Variants in IGF2BP1 observed in about 807,000 individuals in gnomAD.
The protein encoded by IGF2BP1 is insulin-like growth factor 2 mRNA-binding protein 1.
Under a neutral mutation model 74.9 loss-of-function variants are expected in IGF2BP1, and 11 were observed. That is an observed-to-expected ratio of 0.15 (90% CI 0.09 to 0.24). The LOEUF is 0.24. Ranked by LOEUF, IGF2BP1 falls within the 10% of genes least tolerant of loss-of-function variation. The probability of loss-of-function intolerance (pLI) is 1.00; values close to 1 mark genes in which losing one functional copy is unlikely to be tolerated. For synonymous variants in IGF2BP1, 287 were observed against 281.8 expected (o/e 1.02, Z -0.18); for missense variants, 440 against 757.4 (o/e 0.58, Z 4.92).
intron 3 of IGF2BP1, 65 bp from the exon 4 acceptor site, chr17:49,026,400 CA>C: frequency 7.1e-7 from 1 of 1,415,060 alleles, no homozygotes; most frequent in Non-Finnish European, 1.0e-6. Flanking sequence ...GCAGGGTGTC[CA>C]GTGGCTGCTT....
intron 2 of IGF2BP1, chr17:49,014,181 A>AT (rs1406583436): frequency 1.3e-5 from 2 of 148,536 alleles, no homozygotes; most frequent in Non-Finnish European, 3.0e-5. Context: ...GCACCGCACT[A>AT]TCCCCGTTAG....
At chr17:49,044,728 G>A (rs1282600030) in intron 11 of IGF2BP1, among the ~76,000 whole-genome samples, 3 of 152,260 alleles carry the variant, frequency 2.0e-5, no homozygotes, top group African/African-American at 7.2e-5. Flanking sequence ...AACCTCTCTG[G>A]GAGATTGGTA....
intron 2 of IGF2BP1, among the ~76,000 whole-genome samples, chr17:49,004,207 A>T (rs1303639258): frequency 6.6e-6 from 1 of 151,972 alleles, no homozygotes; most frequent in East Asian, 1.9e-4. Context: ...GATCCCTGAG[A>T]CCCCAGGAGA....
rs1347976041 is a variant in IGF2BP1, at chr17:49,053,221, C to T, written c.*3777C>T. 1 of 152,658 alleles carries T rather than the reference C, an allele frequency of 6.6e-6. No individual in the cohort carries two copies. The highest frequency in any genetic ancestry group is 1.5e-5 in the Non-Finnish European group (1 of 68,066). The allele number at this position is 152,658 out of a possible 1,614,324, so 9.5% of individuals were successfully genotyped here. On this transcript the variant is annotated 3_prime_UTR_variant, in exon 15 of 15. Coordinates refer to ENST00000290341, the MANE Select transcript of IGF2BP1 (RefSeq NM_006546.4). ...TTGGCAGAAAAGACCCCATTTAAAA[C>T]CCAGAGAACACTGGAGGGGGATGCT...
chr17:49,007,534 C>T (rs944561358), intron 2 of IGF2BP1, among the ~76,000 whole-genome samples: 3 of 152,198 alleles, frequency 2.0e-5, no homozygotes, highest in Non-Finnish European at 4.4e-5. Context: ...GGCTTCCCAT[C>T]CGGATGTGGT....
intron 2 of IGF2BP1, chr17:49,013,978 G>A (rs1479179484): frequency 6.6e-6 from 1 of 152,338 alleles, no homozygotes; most frequent in Non-Finnish European, 1.5e-5. Flanking sequence ...TGCGCGCTGC[G>A]GCCTCAGCCC....
chr17:49,049,294 G>A lies in IGF2BP1; in HGVS notation c.1642-58G>A, dbSNP rs568819347. On this transcript the variant is annotated intron_variant, in intron 14 of 14. Transcript: ENST00000290341. ...GTCTGGACCTGATGACCTCTCTTCC[G>A]TGGAAGGCTGTCTCCTTGGAGGTCT... is the stretch of plus-strand genomic sequence containing the variant. 38 of 1,473,094 alleles carry A rather than the reference G, an allele frequency of 2.6e-5. No homozygotes were observed. In the South Asian group the frequency reaches 3.2e-4, roughly 13 times the overall value. 91.3% of individuals were successfully genotyped at this position (1,473,094 alleles called of 1,614,324 possible). A position where few individuals can be genotyped will look rare whatever the true frequency, so the allele number is the denominator to read the frequency against.
intron 6 of IGF2BP1, among the ~76,000 whole-genome samples, chr17:49,039,726 C>G (rs1220553726): frequency 6.6e-6 from 1 of 152,186 alleles, no homozygotes; most frequent in African/African-American, 2.4e-5. Context: ...CGTGCCTGGC[C>G]ACCAACCACC....
chr17:49,021,180 G>A (rs2041787206), intron 2 of IGF2BP1, among the ~76,000 whole-genome samples: 2 of 151,596 alleles, frequency 1.3e-5, no homozygotes, highest in Non-Finnish European at 2.9e-5. Context: ...CCCTAATTGA[G>A]AACTGTTTTC....
At chr17:49,046,545 G>A (rs1316662536) in intron 14 of IGF2BP1, among the ~76,000 whole-genome samples, 172 bp downstream of exon 14, 3 of 151,864 alleles carry the variant, frequency 2.0e-5, no homozygotes, top group Non-Finnish European at 4.4e-5. Context: ...AGTGGGATGT[G>A]TAGATGACAT....
chr17:49,038,415 A>G lies in IGF2BP1; in HGVS notation c.649A>G (p.Thr217Ala). ...VGAIIGKEGATIRNITKQTQS... is the reference protein window; with the variant it reads ...VGAIIGKEGAAIRNITKQTQS... ...TGCCATTATTGGCAAGGAGGGGGCC[A>G]CCATCCGCAACATCACAAAACAGAC... Residue 217 changes from threonine (T) to alanine (A), a missense_variant, in exon 6 of 15, where the codon ACC becomes GCC. By Grantham distance (58) the Thr-to-Ala change is moderately conservative. Around this residue, in one of 5 missense-constraint regions of IGF2BP1, gnomAD observed 184 missense variants for 273.4 expected, o/e 0.67. Coordinates refer to ENST00000290341, the MANE Select transcript of IGF2BP1 (RefSeq NM_006546.4). 6.4e-7 allele frequency: 1 copy of G among 1,566,490 alleles called. No homozygotes were observed. The highest frequency in any genetic ancestry group is 8.7e-7 in the Non-Finnish European group (1 of 1,155,538).
intron 4 of IGF2BP1, among the ~76,000 whole-genome samples, 186 bp from the exon 5 acceptor site, chr17:49,031,724 T>C (rs1448521812): frequency 2.0e-5 from 3 of 151,940 alleles, no homozygotes; most frequent in Non-Finnish European, 4.4e-5. Flanking sequence ...GCCAGGCTGG[T>C]CTCCTGGGCT....
At chr17:49,047,138 A>C (rs1351192569) in intron 14 of IGF2BP1, among the ~76,000 whole-genome samples, 1 of 152,180 alleles carries the variant, frequency 6.6e-6, no homozygotes, top group Non-Finnish European at 1.5e-5. Flanking sequence ...AATTGGGGCA[A>C]ACTGGCTCTT....
At chr17:49,007,174 G>C (rs1157442315) in intron 2 of IGF2BP1, among the ~76,000 whole-genome samples, 2 of 152,144 alleles carry the variant, frequency 1.3e-5, no homozygotes, top group African/African-American at 4.8e-5. Flanking sequence ...CCATCTGCTG[G>C]GATGGGTATG....
chr17:49,016,137 C>G (rs957342912), intron 2 of IGF2BP1, among the ~76,000 whole-genome samples: 1 of 152,198 alleles, frequency 6.6e-6, no homozygotes, highest in Admixed American at 6.5e-5. Context: ...CGGGGCTGTT[C>G]AGGCTTCTGC....
At chr17:49,040,684 C>A (rs1040627339) in intron 7 of IGF2BP1, among the ~76,000 whole-genome samples, 3 of 152,212 alleles carry the variant, frequency 2.0e-5, no homozygotes, top group African/African-American at 7.2e-5. Context: ...ACAGGCTGTT[C>A]TATACTTTTT....
In IGF2BP1 at chr17:49,039,891, G is replaced by T. The variant is rs2042031259; in HGVS notation, c.684-66G>T. Reference sequence around the variant, plus strand: ...GCCTTTGACTGAGGAGGGGTAGTGGGGTGGGGAGCCTGAAGTACTGGTATC... The same window carrying T: ...GCCTTTGACTGAGGAGGGGTAGTGGTGTGGGGAGCCTGAAGTACTGGTATC... On this transcript the variant is annotated intron_variant, in intron 6 of 14. Coordinates refer to ENST00000290341, the MANE Select transcript of IGF2BP1 (RefSeq NM_006546.4). 5.1e-6 allele frequency: 8 copies of T among 1,567,854 alleles called. No individual in the cohort carries two copies. The Admixed American group carries it at 1.2e-4, about 24-fold the overall frequency.
chr17:49,047,337 A>G lies in IGF2BP1; in HGVS notation c.1641+964A>G, dbSNP rs185738363. On this transcript the variant is annotated intron_variant, in intron 14 of 14. Coordinates refer to ENST00000290341, the MANE Select transcript of IGF2BP1 (RefSeq NM_006546.4). ...AGTTACATCTCAACTATATATATAT[A>G]TAAAATAACAAAAAAGTATTAATAA... Among the ~76,000 whole-genome samples, 358 of 152,196 alleles carry G rather than the reference A, an allele frequency of 2.4e-3. 1 individual carries two copies. Among genetic ancestry groups the G allele is most frequent in the African/African-American group, 8.2e-3 (339 of 41,538 alleles).
chr17:49,026,389 T>TG lies in IGF2BP1; in HGVS notation c.286-76dup. 3.9e-6 allele frequency: 5 copies of TG among 1,289,004 alleles called. No individual in the cohort carries two copies. The South Asian group carries it at 5.9e-5, about 15-fold the overall frequency. The allele number at this position is 1,289,004 out of a possible 1,614,324, so 79.8% of individuals were successfully genotyped here. On this transcript the variant is annotated intron_variant, in intron 3 of 14. Coordinates refer to ENST00000290341, the MANE Select transcript of IGF2BP1 (RefSeq NM_006546.4). ...CTGTCAATGCCCGATTGCTTTGGGA[T>TG]GCAGGGTGTCCAGTGGCTGCTTTGC...
Sources: allele counts gnomAD v4.1 joint callset (sites outside exome capture counted in the v4.1 genomes callset), GRCh38; gene constraint gnomAD v4.1.1; regional missense constraint gnomAD v4.1.1; transcripts MANE v1.5; gene names NCBI Gene and HGNC (gene_info 2026-07-23, HGNC 2026-07-21).